The following NRG2 variants were observed in gnomAD, a reference collection of about 807,000 sequenced individuals.
NRG2 encodes neuregulin 2.
Under a neutral mutation model 73.9 loss-of-function variants are expected in NRG2, and 27 were observed. The ratio of observed to expected loss-of-function variants is 0.37; its 90% confidence interval spans 0.27 to 0.50. NRG2 has a LOEUF of 0.50. Ranked by LOEUF, NRG2 falls within the 20% of genes least tolerant of loss-of-function variation. The pLI is 0.96. For synonymous variants in NRG2, 532 were observed against 541.0 expected, an observed-to-expected ratio of 0.98 and a Z score of 0.23; for missense variants, 1,126 against 1,210.1, an observed-to-expected ratio of 0.93 and a Z score of 1.03.
At chr5:139,936,829 T>C (rs1752886529) in intron 1 of NRG2, among the ~76,000 whole-genome samples, 1 of 152,234 alleles carries the variant, frequency 6.6e-6, no homozygotes, top group Non-Finnish European at 1.5e-5. Flanking sequence ...TGAGATGGCA[T>C]CTTGCTCTGT....
Position 140,022,209 on chromosome 5 carries a change from C to T in NRG2, c.700+20161G>A, listed in dbSNP as rs140486639. Among the ~76,000 whole-genome samples, 24 of 152,286 alleles carry T rather than the reference C, an allele frequency of 1.6e-4. No individual in the cohort carries two copies. The East Asian group carries it at 4.4e-3, about 28-fold the overall frequency. ...TTCTTTCTTCGTGATTTTATTCAAG[C>T]TTTTATGTCTACCAAGAATGACCTG... On this transcript the variant is annotated intron_variant, in intron 1 of 9. Transcript: ENST00000361474.
intron 1 of NRG2, among the ~76,000 whole-genome samples, chr5:139,930,352 G>A (rs1752384616): frequency 6.6e-6 from 1 of 152,176 alleles, no homozygotes; most frequent in Admixed American, 6.5e-5. Flanking sequence ...ATGTCTATAA[G>A]GCACGGAAAA....
rs564303869 is a variant in NRG2, at chr5:139,978,311, A to C, written c.700+64059T>G. On this transcript the variant is annotated intron_variant, in intron 1 of 9. Transcript: ENST00000361474. Reference sequence around the variant, plus strand: ...ATATGAACAGACACTTCTCAAAAGAAGACATTTATGCAGCCAAAAGACACA... The same window carrying C: ...ATATGAACAGACACTTCTCAAAAGACGACATTTATGCAGCCAAAAGACACA... 5.5e-3 allele frequency among the ~76,000 whole-genome samples: 845 copies of C among 152,380 alleles called. 10 individuals carry two copies. The highest frequency in any genetic ancestry group is 0.019 in the African/African-American group (808 of 41,582).
intron 3 of NRG2, among the ~76,000 whole-genome samples, chr5:139,874,736 A>C (rs547545528): frequency 2.2e-4 from 33 of 152,062 alleles, no homozygotes; most frequent in South Asian, 6.3e-4. Flanking sequence ...AAAGCCCCCA[A>C]CTTCTTCCCA....
At chr5:139,858,364 G>A (rs1201971740) in intron 5 of NRG2, among the ~76,000 whole-genome samples, 1 of 152,146 alleles carries the variant, frequency 6.6e-6, no homozygotes, top group African/African-American at 2.4e-5. Flanking sequence ...TCTTAAAACA[G>A]ATGTCACCTC....
At chr5:140,032,137 C>G (rs1761205588) in intron 1 of NRG2, among the ~76,000 whole-genome samples, 1 of 152,184 alleles carries the variant, frequency 6.6e-6, no homozygotes, top group Non-Finnish European at 1.5e-5. Flanking sequence ...CCTGGTCATA[C>G]CTCTTACCTC....
intron 1 of NRG2, among the ~76,000 whole-genome samples, chr5:139,979,446 T>C (rs1348958174): frequency 3.3e-5 from 5 of 152,186 alleles, no homozygotes; most frequent in Admixed American, 2.6e-4. Flanking sequence ...GTCGGCAGCC[T>C]CTAGGTCAGC....
rs576204818 is a variant in NRG2, at chr5:140,015,280, A to G, written c.700+27090T>C. The stretch of plus-strand genomic sequence containing the variant: ...TGAGGGCAGAGATTTCTGTCTTCTC[A>G]ATATTCCAAGCACCTGGAAGAAGTT... On this transcript the variant is annotated intron_variant, in intron 1 of 9. Coordinates refer to ENST00000361474, the MANE Select transcript of NRG2 (RefSeq NM_004883.3). Among the ~76,000 whole-genome samples the G allele has an allele frequency of 2.6e-5, 4 of 152,330 alleles. No homozygotes were observed. In the East Asian group the frequency reaches 5.8e-4, roughly 22 times the overall value.
At chr5:139,907,800 T>A (rs763291979) in intron 1 of NRG2, among the ~76,000 whole-genome samples, 15 of 152,064 alleles carry the variant, frequency 9.9e-5, no homozygotes, top group Non-Finnish European at 1.9e-4. Context: ...ATGAGTGGGA[T>A]ACGACAAAGA....
chr5:139,952,245 G>A (rs1460869082), intron 1 of NRG2, among the ~76,000 whole-genome samples: 3 of 152,102 alleles, frequency 2.0e-5, no homozygotes, highest in African/African-American at 7.2e-5. Context: ...CAACACCAAT[G>A]GGGAAACAAA....
At chr5:139,902,699 G>A (rs1291969836) in intron 1 of NRG2, among the ~76,000 whole-genome samples, 1 of 152,150 alleles carries the variant, frequency 6.6e-6, no homozygotes, top group Non-Finnish European at 1.5e-5. Context: ...GGTAGGATGT[G>A]TATGTAGGGG....
intron 1 of NRG2, among the ~76,000 whole-genome samples, chr5:139,892,763 C>G (rs944074895): frequency 6.6e-6 from 1 of 152,166 alleles, no homozygotes; most frequent in African/African-American, 2.4e-5. Context: ...ATGCAGTGGG[C>G]AGGCATTTAT....
In NRG2 at chr5:139,848,005, T is replaced by C. The variant is rs1188471454; in HGVS notation, c.2465A>G (p.Tyr822Cys). The C allele has an allele frequency of 1.3e-6, 2 of 1,513,888 alleles. No individual in the cohort carries two copies. The highest frequency in any genetic ancestry group is 2.7e-5 in the East Asian group (1 of 37,084). The allele number at this position is 1,513,888 out of a possible 1,614,324, so 93.8% of individuals were successfully genotyped here. A position where few individuals can be genotyped will look rare whatever the true frequency, so the allele number is the denominator to read the frequency against. The change falls in exon 10 of 10, where the codon TAC (tyrosine) becomes TGC (cysteine). Residue 822 changes from tyrosine (Y) to cysteine (C), a missense_variant. Physicochemically the swap from Tyr to Cys is radical, Grantham distance 194 (BLOSUM62 -2). This residue lies in a region of NRG2 where 402 missense variants were observed against 357.8 expected (regional missense o/e 1.12). Transcript: ENST00000361474. ...CCGCGTGCTGTGGCTGTCCAGTGAG[T>C]AGTAAGTCCTGCTGTCGGCCGCCGG... is the stretch of plus-strand genomic sequence containing the variant. The part of the protein sequence containing the change: ...LCPAADSRTY[Y>C]SLDSHSTRAS...
At chr5:139,958,537 AT>A (rs1390921276) in intron 1 of NRG2, among the ~76,000 whole-genome samples, 1 of 152,082 alleles carries the variant, frequency 6.6e-6, no homozygotes, top group Non-Finnish European at 1.5e-5. Flanking sequence ...GAAAAAGGAT[AT>A]TTTTTGTGGG....
At position 139,924,956 on chromosome 5, in the gene NRG2, A is replaced by T. The variant is rs150578381; in HGVS notation, c.701-37445T>A. 3.8e-3 allele frequency among the ~76,000 whole-genome samples: 574 copies of T among 151,216 alleles called. 1 individual carries two copies. The highest frequency in any genetic ancestry group is 0.01 in the Admixed American group (159 of 15,192). On this transcript the variant is annotated intron_variant, in intron 1 of 9. Transcript: ENST00000361474. The stretch of plus-strand genomic sequence containing the variant: ...AAATGACACAGGTGTGGGGATCTCG[A>T]GAAGAGATGGGGATTGCTGCCAAGG...
chr5:139,974,975 G>A (rs775762626), intron 1 of NRG2, among the ~76,000 whole-genome samples: 5 of 152,220 alleles, frequency 3.3e-5, no homozygotes, highest in Non-Finnish European at 7.3e-5. Flanking sequence ...TAGGCCATGC[G>A]CCCCCTGTGT....
intron 1 of NRG2, among the ~76,000 whole-genome samples, chr5:139,898,405 G>A (rs1380481343): frequency 1.3e-5 from 2 of 152,174 alleles, no homozygotes; most frequent in Non-Finnish European, 2.9e-5. Context: ...CCTTTGCCTT[G>A]GTGTGTGGAC....
At position 139,846,980 on chromosome 5, in the gene NRG2, T is replaced by C. The variant is rs762139670; in HGVS notation, c.*937A>G. 2.6e-5 allele frequency: 4 copies of C among 151,758 alleles called. No homozygotes were observed. The highest frequency in any genetic ancestry group is 4.4e-5 in the Non-Finnish European group (3 of 67,958). 9.4% of individuals were successfully genotyped at this position (151,758 alleles called of 1,614,324 possible). On this transcript the variant is annotated 3_prime_UTR_variant, in exon 10 of 10. Coordinates refer to ENST00000361474, the MANE Select transcript of NRG2 (RefSeq NM_004883.3). ...CAGGACTGGAGACGAGTGGATGTCA[T>C]AGGTGGGTTGGGGGCTAGGAGGCAG...
chr5:139,895,720 A>G (rs956268983), intron 1 of NRG2, among the ~76,000 whole-genome samples: 2 of 152,224 alleles, frequency 1.3e-5, no homozygotes, highest in Admixed American at 1.3e-4. Context: ...AAAGCTCTCT[A>G]TGGAGGGATG....
Sources: allele counts gnomAD v4.1 joint callset (sites outside exome capture counted in the v4.1 genomes callset), GRCh38; gene constraint gnomAD v4.1.1; regional missense constraint gnomAD v4.1.1; transcripts MANE v1.5; gene names NCBI Gene and HGNC (gene_info 2026-07-23, HGNC 2026-07-21).